The following ATP8A2 variants were observed in gnomAD, a reference collection of about 807,000 sequenced individuals.
The protein encoded by ATP8A2 is phospholipid-transporting ATPase IB.
A neutral mutation model predicts 165.6 loss-of-function variants in ATP8A2; 100 were observed. The observed-to-expected ratio is 0.60, with a 90% CI of 0.51 to 0.71. The LOEUF (loss-of-function observed/expected upper bound fraction) is 0.71, where lower values mean the gene tolerates loss of function less well. ATP8A2 is among the 30% of genes least tolerant of loss of function. The pLI is 0.00. For missense variants in ATP8A2, 1,227 were observed against 1,479.5 expected, an observed-to-expected ratio of 0.83 and a Z score of 2.80; for synonymous variants, 543 against 548.8, an observed-to-expected ratio of 0.99 and a Z score of 0.15.
intron 1 of ATP8A2, among the ~76,000 whole-genome samples, chr13:25,387,397 G>A (rs1389491625): frequency 1.3e-5 from 2 of 151,990 alleles, no homozygotes; most frequent in Non-Finnish European, 2.9e-5. Context: ...TCCTAGTCAC[G>A]TCCTAGGTTA....
At chr13:25,693,671 GTCTCTCTC>G (rs71186897) in intron 24 of ATP8A2, among the ~76,000 whole-genome samples, 1 of 148,840 alleles carries the variant, frequency 6.7e-6, no homozygotes, top group South Asian at 2.2e-4. Context: ...AGATCTCTCT[GTCTCTCTC>G]TCTCTCTCTG....
At chr13:25,436,575 C>T (rs1410904069) in intron 1 of ATP8A2, among the ~76,000 whole-genome samples, 2 of 151,996 alleles carry the variant, frequency 1.3e-5, no homozygotes, top group East Asian at 1.9e-4. Context: ...TGAACATAAG[C>T]GTGTGTCTGT....
chr13:25,491,853 T>C (rs1324707533), intron 2 of ATP8A2, among the ~76,000 whole-genome samples: 1 of 152,230 alleles, frequency 6.6e-6, no homozygotes, highest in Non-Finnish European at 1.5e-5. Flanking sequence ...ATACCTTTGA[T>C]AGAGCATTGG....
intron 27 of ATP8A2, among the ~76,000 whole-genome samples, chr13:25,820,187 C>T (rs144250752): frequency 2.6e-5 from 4 of 152,172 alleles, no homozygotes; most frequent in African/African-American, 7.2e-5. Context: ...TTAGCCAAGA[C>T]GGTTACTGTG....
At chr13:25,938,553 CA>C (rs752508608) in intron 33 of ATP8A2, among the ~76,000 whole-genome samples, 1 of 151,736 alleles carries the variant, frequency 6.6e-6, no homozygotes, top group Non-Finnish European at 1.5e-5. Context: ...GTGTGTGTTT[CA>C]CCTGAATTAT....
rs556605874 is a variant in ATP8A2, at chr13:25,821,369, G to A, written c.2680-6749G>A. On this transcript the variant is annotated intron_variant, in intron 27 of 36. Transcript: ENST00000381655. ...CCCTCGTATGTTTTCAACAGCTTGCGTGTCTTGATTATACCGAATTCACTC... is the reference window on the plus strand; with the variant it reads ...CCCTCGTATGTTTTCAACAGCTTGCATGTCTTGATTATACCGAATTCACTC... Among the ~76,000 whole-genome samples the A allele has an allele frequency of 1.1e-3, 165 of 152,250 alleles. 1 individual carries two copies. The highest frequency in any genetic ancestry group is 3.5e-3 in the African/African-American group (147 of 41,542).
At chr13:25,468,364 A>G (rs545743269) in intron 1 of ATP8A2, among the ~76,000 whole-genome samples, 1 of 152,306 alleles carries the variant, frequency 6.6e-6, no homozygotes, top group African/African-American at 2.4e-5. Context: ...AGAGCAGCGG[A>G]TCCCTTGCAG....
chr13:25,511,336 T>C (rs1276705199), intron 2 of ATP8A2, among the ~76,000 whole-genome samples: 2 of 152,240 alleles, frequency 1.3e-5, no homozygotes, highest in African/African-American at 2.4e-5. Context: ...CTCTTGGTTT[T>C]ACCCCTTCCC....
In ATP8A2 at chr13:25,545,795, C is replaced by T. The variant is rs535949097; in HGVS notation, c.891+2393C>T. Among the ~76,000 whole-genome samples the T allele has an allele frequency of 6.7e-4, 102 of 152,222 alleles. No individual in the cohort carries two copies. In the South Asian group the frequency reaches 0.016, roughly 24 times the overall value. The stretch of plus-strand genomic sequence containing the variant: ...GACTGTAGGCACACACCACCATGCC[C>T]GGCTAATTTTTGTATTTTTTGTAGA... On this transcript the variant is annotated intron_variant, in intron 10 of 36. Coordinates refer to ENST00000381655, the MANE Select transcript of ATP8A2 (RefSeq NM_016529.6).
intron 36 of ATP8A2, among the ~76,000 whole-genome samples, chr13:26,018,951 T>C (rs1225701020): frequency 6.6e-6 from 1 of 152,258 alleles, no homozygotes; most frequent in African/African-American, 2.4e-5. Context: ...ATTTTATTAA[T>C]AGTATATGAA....
intron 25 of ATP8A2, among the ~76,000 whole-genome samples, chr13:25,744,325 A>ACCCCCCCCCCCCCCC (rs138866684): frequency 4.7e-5 from 7 of 148,402 alleles, no homozygotes; most frequent in African/African-American, 1.8e-4. Flanking sequence ...CTCACTCACC[A>ACCCCCCCCCCCCCCC]CCCCCCCGTG....
chr13:25,754,416 C>T lies in ATP8A2; in HGVS notation c.2385-14630C>T, dbSNP rs151313242. On this transcript the variant is annotated intron_variant, in intron 25 of 36. Transcript: ENST00000381655. The stretch of plus-strand genomic sequence containing the variant: ...CATTTCAAATGGAAAAAAAAGTATG[C>T]GATTTTTTTTTTTTGAGGTTTTACT... Among the ~76,000 whole-genome samples the T allele has an allele frequency of 9.8e-3, 1,450 of 147,770 alleles. 29 individuals are homozygous for T. The highest frequency in any genetic ancestry group is 0.034 in the African/African-American group (1,379 of 40,350).
chr13:25,631,165 A>G (rs760566798), intron 24 of ATP8A2, among the ~76,000 whole-genome samples: 4 of 152,192 alleles, frequency 2.6e-5, no homozygotes, highest in Non-Finnish European at 5.9e-5. Flanking sequence ...TGGTTTTTGC[A>G]GGGAGAAAAA....
chr13:25,479,414 T>C (rs1475849685), intron 2 of ATP8A2, among the ~76,000 whole-genome samples: 3 of 152,236 alleles, frequency 2.0e-5, no homozygotes, highest in African/African-American at 7.2e-5. Flanking sequence ...GTGTCAATTC[T>C]GCTGCTTTTT....
At chr13:25,891,604 G>A (rs1190201032) in intron 33 of ATP8A2, among the ~76,000 whole-genome samples, 1 of 152,162 alleles carries the variant, frequency 6.6e-6, no homozygotes, top group African/African-American at 2.4e-5. Context: ...GATTACAGGT[G>A]CGAGCCACTG....
At chr13:25,589,801 G>A in intron 24 of ATP8A2, 102 bp downstream of exon 24, 1 of 713,912 alleles carries the variant, frequency 1.4e-6, no homozygotes, top group African/African-American at 1.8e-5. Flanking sequence ...CTAAAAAACA[G>A]TTATGAAAAA....
At chr13:25,836,920 G>C (rs1951627916) in intron 28 of ATP8A2, among the ~76,000 whole-genome samples, 1 of 152,174 alleles carries the variant, frequency 6.6e-6, no homozygotes, top group Non-Finnish European at 1.5e-5. Context: ...AATTTAACAA[G>C]AAATCTTGGC....
intron 24 of ATP8A2, among the ~76,000 whole-genome samples, chr13:25,622,205 CAAAAA>C (rs66680708): frequency 8.0e-6 from 1 of 124,912 alleles, no homozygotes. Context: ...GACTCTGTCT[CAAAAA>C]AAAAAAAAAA....
At chr13:25,610,563 T>G (rs866970315) in intron 24 of ATP8A2, among the ~76,000 whole-genome samples, 2 of 152,158 alleles carry the variant, frequency 1.3e-5, no homozygotes, top group African/African-American at 4.8e-5. Flanking sequence ...CCTCCAGATT[T>G]GTTCTTTTTG....
Sources: gnomAD v4.1 joint callset for allele counts (sites outside exome capture counted in the v4.1 genomes callset) on GRCh38, gnomAD v4.1.1 for gene constraint, MANE v1.5 for transcripts, NCBI Gene and HGNC (gene_info 2026-07-23, HGNC 2026-07-21) for gene names.